ADAMTS4: variants seen among roughly 807,000 people sequenced by gnomAD.
ADAMTS4 encodes the protein A disintegrin and metalloproteinase with thrombospondin motifs 4.
A neutral mutation model predicts 66.7 loss-of-function variants in ADAMTS4; 38 were observed. The observed-to-expected ratio is 0.57, with a 90% CI of 0.44 to 0.75. The LOEUF is 0.75. Ranked by LOEUF, ADAMTS4 falls within the 30% of genes least tolerant of loss-of-function variation. The pLI is 0.00. For synonymous variants in ADAMTS4, 418 were observed against 461.5 expected (o/e 0.91, Z 1.21); for missense variants, 1,014 against 1,116.7 (o/e 0.91, Z 1.31).
Position 161,192,001 on chromosome 1 carries a change from C to T in ADAMTS4, c.2087+64G>A, listed in dbSNP as rs1664694280. ...TGAGAGTGGAAACAGTGCTGAGTTC[C>T]CCTCTGCATCACTAGGACCCAGAAT... On this transcript the variant is annotated intron_variant, in intron 8 of 8. Transcript: ENST00000367996. 3 of 1,542,834 alleles carry T rather than the reference C, an allele frequency of 1.9e-6. No individual in the cohort carries two copies. The South Asian group carries it at 3.5e-5, about 18-fold the overall frequency.
chr1:161,196,646 G>A lies in ADAMTS4; in HGVS notation c.868C>T (p.Arg290Cys), dbSNP rs1243925734. The change falls in exon 2 of 9, where the codon CGC becomes TGC. Residue 290 changes from arginine to cysteine, a missense_variant. By Grantham distance (180) the Arg-to-Cys change is radical. Coordinates refer to ENST00000367996, the MANE Select transcript of ADAMTS4 (RefSeq NM_005099.6). The stretch of plus-strand genomic sequence containing the variant: ...CCCCGCTGCCAGGCACAGAAGCTGC[G>A]CAGGGTCTGGGCAGCACTGGGCCCC... Reference protein sequence around the residue: ...QVGPSAAQTLRSFCAWQRGLN... With the variant: ...QVGPSAAQTLCSFCAWQRGLN... 5.6e-6 allele frequency: 9 copies of A among 1,614,056 alleles called. No individual in the cohort carries two copies. The highest frequency in any genetic ancestry group is 2.2e-5 in the East Asian group (1 of 44,894).
chr1:161,195,529 A>T lies in ADAMTS4; in HGVS notation c.1197T>A (p.Asp399Glu), dbSNP rs1558075766. 6.2e-7 allele frequency: 1 copy of T among 1,613,940 alleles called. No individual in the cohort carries two copies. Among genetic ancestry groups the T allele is most frequent in the East Asian group, 2.2e-5 (1 of 44,874 alleles). Residue 399 changes from aspartate to glutamate, a missense_variant, in exon 4 of 9, where the codon GAT (aspartate) becomes GAA (glutamate). Transcript: ENST00000367996. Reference sequence around the variant, plus strand: ...TGCAGGGGGACCAGGGCTCCTCAGGATCCACATGAGCCATCACAGGGGCCA... The same window carrying T: ...TGCAGGGGGACCAGGGCTCCTCAGGTTCCACATGAGCCATCACAGGGGCCA... ...HVMAPVMAHV[D>E]PEEPWSPCSA... is the part of the protein sequence containing the mutation.
chr1:161,193,739 C>G lies in ADAMTS4; in HGVS notation c.1636G>C (p.Asp546His). The G allele has an allele frequency of 6.2e-7, 1 of 1,614,136 alleles. No homozygotes were observed. The highest frequency in any genetic ancestry group is 8.5e-7 in the Non-Finnish European group (1 of 1,180,024). ...CGGGVQFSSR[D>H]CTRPVPRNGG... ...TTCCGGGGGACAGGCCTCGTGCAGT[C>G]TCGGGAGGAGAACTGGACACCACCC... is the stretch of plus-strand genomic sequence containing the variant. Residue 546 changes from aspartate to histidine, a missense_variant, in exon 6 of 9, where the codon GAC (aspartate) becomes CAC (histidine). Physicochemically the swap from Asp to His is moderately conservative, Grantham distance 81. Transcript: ENST00000367996. The surrounding 1 kb of genome is among the most constrained non-coding windows in gnomAD (Gnocchi z 4.4).
chr1:161,196,469 C>G, intron 2 of ADAMTS4, 88 bp downstream of exon 2: 1 of 1,527,054 alleles, frequency 6.5e-7, no homozygotes, highest in East Asian at 2.3e-5. Context: ...TCACACAACT[C>G]CAGGAACATC....
In ADAMTS4 at chr1:161,190,521, A is replaced by G. The variant is rs1165766237; in HGVS notation, c.*617T>C. The stretch of plus-strand genomic sequence containing the variant: ...GAGCGAGATTCTGTCTCAAAAAAAA[A>G]AAAGAAAGAAAGAAAGAAAAAAAAA... On this transcript the variant is annotated 3_prime_UTR_variant, in exon 9 of 9. Coordinates refer to ENST00000367996, the MANE Select transcript of ADAMTS4 (RefSeq NM_005099.6). 2.0e-5 allele frequency: 3 copies of G among 150,110 alleles called. No homozygotes were observed. Among genetic ancestry groups the G allele is most frequent in the Non-Finnish European group, 3.0e-5 (2 of 67,290 alleles). The allele number at this position is 150,110 out of a possible 1,614,324, so 9.3% of individuals were successfully genotyped here.
Position 161,194,273 on chromosome 1 carries a change from A to G in ADAMTS4, c.1262-52T>C, listed in dbSNP as rs1386759827. ...CAGCAACGGGCTGAGGGGAGCATTCAGGATTGCCAGCAGAAAGCTTAGGCT... is the reference window on the plus strand; with the variant it reads ...CAGCAACGGGCTGAGGGGAGCATTCGGGATTGCCAGCAGAAAGCTTAGGCT... On this transcript the variant is annotated intron_variant, in intron 4 of 8. Transcript: ENST00000367996. This position sits in a 1 kb window ranked among gnomAD's most constrained non-coding sequence, Gnocchi z 4.1. The G allele has an allele frequency of 6.4e-7, 1 of 1,560,116 alleles. No homozygotes were observed. Among genetic ancestry groups the G allele is most frequent in the African/African-American group, 1.4e-5 (1 of 73,860 alleles).
At chr1:161,195,409 C>T in intron 4 of ADAMTS4, 56 bp downstream of exon 4, 3 of 1,531,594 alleles carry the variant, frequency 2.0e-6, no homozygotes, top group South Asian at 1.3e-5. Context: ...AGTGAGAGTG[C>T]CCTGGAGGAC....
chr1:161,184,802 T>A lies in ADAMTS4; in HGVS notation c.*6336A>T, dbSNP rs1446813160. 6.6e-6 allele frequency: 1 copy of A among 152,096 alleles called. No individual in the cohort carries two copies. The highest frequency in any genetic ancestry group is 1.9e-4 in the East Asian group (1 of 5,190). 9.4% of individuals were successfully genotyped at this position (152,096 alleles called of 1,614,324 possible). A position where few individuals can be genotyped will look rare whatever the true frequency, so the allele number is the denominator to read the frequency against. On this transcript the variant is annotated 3_prime_UTR_variant, in exon 9 of 9. Transcript: ENST00000367996. ...GGGAGGCCGAGGCAGGCAGATCACT[T>A]GAGCCCGGGAGTTCAAGACCAGCCT...
Position 161,194,297 on chromosome 1 carries a change from CT to C in ADAMTS4, c.1262-77del. The C allele has an allele frequency of 7.0e-7, 1 of 1,429,130 alleles. No homozygotes were observed. The highest frequency in any genetic ancestry group is 9.6e-7 in the Non-Finnish European group (1 of 1,038,754). The allele number at this position is 1,429,130 out of a possible 1,614,324, so 88.5% of individuals were successfully genotyped here. A position where few individuals can be genotyped will look rare whatever the true frequency, so the allele number is the denominator to read the frequency against. On this transcript the variant is annotated intron_variant, in intron 4 of 8. Transcript: ENST00000367996. The surrounding 1 kb of genome is among the most constrained non-coding windows in gnomAD (Gnocchi z 4.1). Reference sequence around the variant, plus strand: ...CAGGATTGCCAGCAGAAAGCTTAGGCTCCCTGGGGCCTGATGGAGCCTAGAA... The same window carrying C: ...CAGGATTGCCAGCAGAAAGCTTAGGCCCCTGGGGCCTGATGGAGCCTAGAA...
At position 161,196,538 on chromosome 1, in the gene ADAMTS4, G is replaced by A. The variant is rs141242494; in HGVS notation, c.957+19C>T. 3.3e-5 allele frequency: 53 copies of A among 1,612,420 alleles called. No homozygotes were observed. The East Asian group carries it at 1.0e-3, about 31-fold the overall frequency. On this transcript the variant is annotated intron_variant, in intron 2 of 8. Coordinates refer to ENST00000367996, the MANE Select transcript of ADAMTS4 (RefSeq NM_005099.6). ...AGAATTGTGCAGTGCATGGCCTGCG[G>A]TGCTGACTGGGGCCTCACCTGACGG...
In ADAMTS4 at chr1:161,197,975, CAG is replaced by C; in HGVS notation, c.633+18_633+19del. ...CATGGCGGGAGGACACCGCAGGACA[CAG>C]ACTCCAGAGATGCCTACCTTGGCTC... On this transcript the variant is annotated intron_variant, in intron 1 of 8. Coordinates refer to ENST00000367996, the MANE Select transcript of ADAMTS4 (RefSeq NM_005099.6). 6.5e-7 allele frequency: 1 copy of C among 1,538,152 alleles called. No homozygotes were observed.
In ADAMTS4 at chr1:161,193,308, A is replaced by T. The variant is rs772411600; in HGVS notation, c.1816T>A (p.Trp606Arg). Residue 606 changes from tryptophan (W) to arginine (R), a missense_variant, in exon 7 of 9, where the codon TGG becomes AGG. Transcript: ENST00000367996. This position sits in a 1 kb window ranked among gnomAD's most constrained non-coding sequence, Gnocchi z 4.4. Reference sequence around the variant, plus strand: ...GCCACGCCTGTGTAGCGAGGAACCCAGTCCATGGGCCCTGGGAAGCTCTTG... The same window carrying T: ...GCCACGCCTGTGTAGCGAGGAACCCTGTCCATGGGCCCTGGGAAGCTCTTG... ...LFKSFPGPMD[W>R]VPRYTGVAPQ... 6.2e-7 allele frequency: 1 copy of T among 1,613,936 alleles called. No individual in the cohort carries two copies. The highest frequency in any genetic ancestry group is 1.3e-5 in the African/African-American group (1 of 74,890).
chr1:161,193,629 CT>C lies in ADAMTS4; in HGVS notation c.1735+10del. On this transcript the variant is annotated intron_variant, in intron 6 of 8. Coordinates refer to ENST00000367996, the MANE Select transcript of ADAMTS4 (RefSeq NM_005099.6). This position sits in a 1 kb window ranked among gnomAD's most constrained non-coding sequence, Gnocchi z 4.4. ...CCCCTCCCAAGGGCTCCCATCCCCC[CT>C]ACTCCTCACCTGAGCCAGTTGGGCA... 1.9e-6 allele frequency: 3 copies of C among 1,602,742 alleles called. No homozygotes were observed. The highest frequency in any genetic ancestry group is 1.7e-4 in the Middle Eastern group (1 of 5,988).
rs1283247206 is a variant in ADAMTS4 at position 161,188,116 on chromosome 1, AT to A, written c.*3021del. 6.8e-6 allele frequency: 1 copy of A among 147,668 alleles called. No homozygotes were observed. Among genetic ancestry groups the A allele is most frequent in the Non-Finnish European group, 1.5e-5 (1 of 67,128 alleles). 9.1% of individuals were successfully genotyped at this position (147,668 alleles called of 1,614,324 possible). ...AGGCGCTTGCCACCACACCTGGCTA[AT>A]TTTTTGTATTTTTTTTTTAGTAGAG... On this transcript the variant is annotated 3_prime_UTR_variant, in exon 9 of 9. Transcript: ENST00000367996.
Position 161,193,977 on chromosome 1 carries a change from C to T in ADAMTS4, c.1506G>A (p.Met502Ile). 6.3e-7 allele frequency: 1 copy of T among 1,599,722 alleles called. No homozygotes were observed. Among genetic ancestry groups the T allele is most frequent in the Non-Finnish European group, 8.5e-7 (1 of 1,169,874 alleles). The change falls in exon 5 of 9, where the codon ATG becomes ATA. Residue 502 changes from methionine (M) to isoleucine (I), a missense_variant. Transcript: ENST00000367996. This position sits in a 1 kb window ranked among gnomAD's most constrained non-coding sequence, Gnocchi z 4.4. The stretch of plus-strand genomic sequence containing the variant: ...GGTCCATGTGGAGGCAGCGACCACC[C>T]ATGCAGGCCTGTGCGGGCCCGCAGG... ...GTPCGPAQAC[M>I]GGRCLHMDQL...
Position 161,196,779 on chromosome 1 carries a change from C to G in ADAMTS4, c.735G>C (p.Val245=). The G allele has an allele frequency of 6.2e-7, 1 of 1,612,938 alleles. No homozygotes were observed. The highest frequency in any genetic ancestry group is 8.5e-7 in the Non-Finnish European group (1 of 1,180,032). ...GAGLKRYLLT[V]MAAAAKAFKH... ...TGAAGGCCTTGGCTGCTGCTGCCAT[C>G]ACTGTTAGCAGGTAGCGCTTTAGCC... is the stretch of plus-strand genomic sequence containing the variant. The change falls in exon 2 of 9, where the codon GTG becomes GTC. Residue 245 remains valine (V), a synonymous_variant. Transcript: ENST00000367996.
At chr1:161,196,960 C>T in intron 1 of ADAMTS4, 80 bp from the exon 2 acceptor site, 1 of 1,316,210 alleles carries the variant, frequency 7.6e-7, no homozygotes, top group Non-Finnish European at 1.0e-6. Context: ...TCCCTCACTT[C>T]CTGGGTCTGG....
chr1:161,194,162 T>A lies in ADAMTS4; in HGVS notation c.1321A>T (p.Lys441Ter). 6.2e-7 allele frequency: 1 copy of A among 1,614,126 alleles called. No individual in the cohort carries two copies. Among genetic ancestry groups the A allele is most frequent in the Non-Finnish European group, 8.5e-7 (1 of 1,180,016 alleles). Reference sequence around the variant, plus strand: ...CACTGGCGGTCAGCATCATAGTCCTTGCCAGGGAAAGTCACAGGCAGATGC... The same window carrying A: ...CACTGGCGGTCAGCATCATAGTCCTAGCCAGGGAAAGTCACAGGCAGATGC... ...PLHLPVTFPG[K>*]DYDADRQCQL... The change falls in exon 5 of 9, where the codon AAG (lysine) becomes TAG (stop). Residue 441 changes from lysine (K) to a stop codon, truncating the protein, a stop_gained. Coordinates refer to ENST00000367996, the MANE Select transcript of ADAMTS4 (RefSeq NM_005099.6). LOFTEE classifies it high-confidence loss of function. This position sits in a 1 kb window ranked among gnomAD's most constrained non-coding sequence, Gnocchi z 4.1.
In ADAMTS4 at chr1:161,198,422, C is replaced by G; in HGVS notation, c.206G>C (p.Gly69Ala). The G allele has an allele frequency of 3.1e-6, 5 of 1,598,370 alleles. No homozygotes were observed. Among genetic ancestry groups the G allele is most frequent in the Non-Finnish European group, 4.3e-6 (5 of 1,172,848 alleles). ...EEIVFPEKLN[G>A]SVLPGSGAPA... ...GGCGCCCGAGCCAGGCAGGACGCTG[C>G]CGTTGAGCTTCTCTGGAAACACGAT... Residue 69 changes from glycine to alanine, a missense_variant, in exon 1 of 9, where the codon GGC (glycine) becomes GCC (alanine). Coordinates refer to ENST00000367996, the MANE Select transcript of ADAMTS4 (RefSeq NM_005099.6). The surrounding 1 kb of genome is among the most constrained non-coding windows in gnomAD (Gnocchi z 4.7).
Sources: allele counts gnomAD v4.1 joint callset, GRCh38; gene constraint gnomAD v4.1.1; non-coding constraint Gnocchi (gnomAD v3.1); transcripts MANE v1.5; gene names NCBI Gene and HGNC (gene_info 2026-07-23, HGNC 2026-07-21).